The following DIAPH2 variants were observed in gnomAD, a reference collection of about 807,000 sequenced individuals.
DIAPH2 encodes the protein protein diaphanous homolog 2.
DIAPH2 carries 35 observed loss-of-function variants against 92.7 expected under a neutral mutation model. That is an observed-to-expected ratio of 0.38 (90% confidence interval 0.29 to 0.50). The LOEUF (loss-of-function observed/expected upper bound fraction) is 0.50. Among genes scored for constraint, DIAPH2 ranks in the 20% least tolerant of loss-of-function variants. The pLI, the probability that DIAPH2 is intolerant of heterozygous loss-of-function variation, is 0.94. For synonymous variants in DIAPH2, 301 were observed against 280.4 expected (o/e 1.07, Z -0.73); for missense variants, 701 against 819.5 (o/e 0.86, Z 1.77).
intron 4 of DIAPH2, among the ~76,000 whole-genome samples, chrX:96,825,137 G>A (rs1409256020): frequency 1.0e-5 from 1 of 98,440 alleles, no homozygotes; most frequent in Non-Finnish European, 2.0e-5. Flanking sequence ...TTTTTTTTTA[G>A]TACATATGGG....
intron 26 of DIAPH2, among the ~76,000 whole-genome samples, chrX:97,503,543 T>G (rs1457957336): frequency 1.8e-5 from 2 of 112,002 alleles, no homozygotes; most frequent in East Asian, 2.8e-4. Context: ...GGGACTATAA[T>G]GCAGATTTCT....
chrX:96,788,649 T>C (rs961941847), intron 4 of DIAPH2, among the ~76,000 whole-genome samples: 1 of 112,295 alleles, frequency 8.9e-6, no homozygotes, highest in Non-Finnish European at 1.9e-5. Context: ...CATCTTTTTG[T>C]TTCTGTTATT....
intron 25 of DIAPH2, among the ~76,000 whole-genome samples, chrX:97,412,697 C>T (rs750769822): frequency 1.3e-3 from 140 of 111,475 alleles, no homozygotes; most frequent in African/African-American, 4.3e-3. Context: ...ATCAAATGGA[C>T]ACAATAAAAA....
chrX:97,183,207 C>G (rs770866418), intron 22 of DIAPH2, among the ~76,000 whole-genome samples: 1 of 111,506 alleles, frequency 9.0e-6, no homozygotes, highest in Admixed American at 9.6e-5. Context: ...GGGGTATGCA[C>G]TTGTCTCCAG....
intron 25 of DIAPH2, among the ~76,000 whole-genome samples, chrX:97,393,345 C>T (rs535575285): frequency 1.9e-3 from 214 of 111,690 alleles, no homozygotes; most frequent in African/African-American, 6.7e-3. Flanking sequence ...ACAGTTTTAC[C>T]AGTAGATAAT....
At chrX:97,043,752 C>A (rs1412198773) in intron 17 of DIAPH2, among the ~76,000 whole-genome samples, 1 of 111,623 alleles carries the variant, frequency 9.0e-6, no homozygotes, top group African/African-American at 3.2e-5. Context: ...GACTTTCTTT[C>A]CCTAATTTGC....
At chrX:97,150,836 C>T (rs2067280176) in intron 22 of DIAPH2, among the ~76,000 whole-genome samples, 1 of 111,830 alleles carries the variant, frequency 8.9e-6, no homozygotes, top group Non-Finnish European at 1.9e-5. Flanking sequence ...GTGTTACAGA[C>T]AAAATCTATA....
chrX:97,111,220 T>C (rs2066978320), intron 20 of DIAPH2, among the ~76,000 whole-genome samples: 1 of 111,960 alleles, frequency 8.9e-6, no homozygotes, highest in African/African-American at 3.3e-5. Context: ...ACAAGACCGC[T>C]TTACAGGAAT....
At chrX:97,223,215 G>A (rs2067939561) in intron 22 of DIAPH2, among the ~76,000 whole-genome samples, 1 of 111,236 alleles carries the variant, frequency 9.0e-6, no homozygotes, top group African/African-American at 3.3e-5. Context: ...TTTTCATAAT[G>A]TTTATTTTAA....
intron 23 of DIAPH2, among the ~76,000 whole-genome samples, chrX:97,300,854 C>T (rs1185256594): frequency 3.2e-4 from 30 of 94,236 alleles, no homozygotes; most frequent in South Asian, 5.7e-4. Context: ...ATGGCGTGAA[C>T]CCGGGAGGCG....
intron 17 of DIAPH2, among the ~76,000 whole-genome samples, chrX:97,057,981 A>T (rs1158420481): frequency 1.8e-5 from 2 of 111,348 alleles, no homozygotes; most frequent in Non-Finnish European, 3.8e-5. Flanking sequence ...CAGTAAAAAA[A>T]AAAAAGGTGT....
At position 97,270,209 on chromosome X, in the gene DIAPH2, GT is replaced by G. The variant is rs1395434297; in HGVS notation, c.2844+22371del. Among the ~76,000 whole-genome samples, 6 of 110,721 alleles carry G rather than the reference GT, an allele frequency of 5.4e-5. No individual in the cohort carries two copies. The East Asian group carries it at 1.7e-3, about 31-fold the overall frequency. On this transcript the variant is annotated intron_variant, in intron 23 of 26. Coordinates refer to ENST00000324765, the MANE Select transcript of DIAPH2 (RefSeq NM_006729.5). ...CTCCCAAAGTGCTGAGATTACAGGT[GT>G]GAGCCACTGTGCCTGGCCTAATTTT...
At chrX:96,791,749 C>CAAT (rs751821031) in intron 4 of DIAPH2, among the ~76,000 whole-genome samples, 33 of 110,890 alleles carry the variant, frequency 3.0e-4, no homozygotes, top group Non-Finnish European at 5.3e-4. Context: ...GGCAAGCCTC[C>CAAT]AATAACGTTT....
chrX:97,567,250 C>A (rs1234907279), intron 26 of DIAPH2, among the ~76,000 whole-genome samples: 1 of 111,905 alleles, frequency 8.9e-6, no homozygotes, highest in Non-Finnish European at 1.9e-5. Context: ...AAGAATAAAT[C>A]TTTTCCTTAT....
chrX:97,184,139 C>A (rs1390481368), intron 22 of DIAPH2, among the ~76,000 whole-genome samples: 1 of 112,106 alleles, frequency 8.9e-6, no homozygotes, highest in Non-Finnish European at 1.9e-5. Context: ...ATTTAATTGT[C>A]TGCCACCAGG....
At chrX:97,352,870 CAAAA>C (rs1176922373) in intron 24 of DIAPH2, among the ~76,000 whole-genome samples, 2 of 27,096 alleles carry the variant, frequency 7.4e-5, no homozygotes, top group South Asian at 2.3e-3. Flanking sequence ...AATCTGTCTC[CAAAA>C]AAAAAAAAAA....
At chrX:96,974,480 C>T (rs2065948129) in intron 17 of DIAPH2, among the ~76,000 whole-genome samples, 1 of 111,464 alleles carries the variant, frequency 9.0e-6, no homozygotes, top group Non-Finnish European at 1.9e-5. Flanking sequence ...TAATCTGCAT[C>T]TCTAAGGTCT....
intron 20 of DIAPH2, among the ~76,000 whole-genome samples, chrX:97,114,401 C>T (rs1234301017): frequency 9.0e-6 from 1 of 111,603 alleles, no homozygotes; most frequent in Non-Finnish European, 1.9e-5. Flanking sequence ...TCCTAGTTCA[C>T]CTCAGGGACA....
intron 23 of DIAPH2, among the ~76,000 whole-genome samples, chrX:97,292,824 C>T (rs1244148654): frequency 1.8e-5 from 2 of 111,629 alleles, no homozygotes. Flanking sequence ...ATTTAACTTT[C>T]TTATATTAAA....
Sources: allele counts gnomAD v4.1 joint callset (sites outside exome capture counted in the v4.1 genomes callset), GRCh38; gene constraint gnomAD v4.1.1; transcripts MANE v1.5; gene names NCBI Gene and HGNC (gene_info 2026-07-23, HGNC 2026-07-21).